The following KCNQ4 variants were observed in gnomAD, a reference collection of about 807,000 sequenced individuals.
KCNQ4 encodes potassium voltage-gated channel subfamily KQT member 4.
Under a neutral mutation model 72.6 loss-of-function variants are expected in KCNQ4, and 31 were observed. The observed-to-expected ratio is 0.43, with a 90% CI of 0.32 to 0.58. KCNQ4 has a LOEUF of 0.58. Ranked by LOEUF, KCNQ4 falls within the 20% of genes least tolerant of loss-of-function variation. KCNQ4 has a pLI of 0.08. For synonymous variants in KCNQ4, 405 were observed against 403.7 expected, an observed-to-expected ratio of 1.00 and a Z score of -0.04; for missense variants, 869 against 962.6, an observed-to-expected ratio of 0.90 and a Z score of 1.29.
Position 40,824,152 on chromosome 1 carries a change from C to T in KCNQ4, c.1186C>T (p.Pro396Ser), listed in dbSNP as rs904001184. ...VQRARNGGLRPLEVRRAPVPD... is the reference protein window; with the variant it reads ...VQRARNGGLRSLEVRRAPVPD... The stretch of plus-strand genomic sequence containing the variant: ...ACGGGCCCGCAATGGGGGCCTACGG[C>T]CCCTGGAGGTGCGGCGGGCGCCGGT... The change falls in exon 9 of 14, where the codon CCC becomes TCC. Residue 396 changes from proline (P) to serine (S), a missense_variant. Coordinates refer to ENST00000347132, the MANE Select transcript of KCNQ4 (RefSeq NM_004700.4). 59 of 1,567,906 alleles carry T rather than the reference C, an allele frequency of 3.8e-5. No homozygotes were observed. The highest frequency in any genetic ancestry group is 4.9e-5 in the Non-Finnish European group (57 of 1,157,208).
intron 9 of KCNQ4, among the ~76,000 whole-genome samples, chr1:40,824,737 C>A (rs1173096784): frequency 1.3e-5 from 2 of 152,126 alleles, no homozygotes; most frequent in East Asian, 3.9e-4. Context: ...GTACTGAACT[C>A]GCCTCTTGGG....
chr1:40,826,715 C>T (rs1339571610), intron 9 of KCNQ4: 1 of 453,342 alleles, frequency 2.2e-6, no homozygotes, highest in Admixed American at 2.4e-5. Flanking sequence ...GCCTGCTCCT[C>T]CTGTCCCCAC....
chr1:40,820,045 T>C (rs1161102298), intron 6 of KCNQ4, 60 bp downstream of exon 6: 26 of 1,537,800 alleles, frequency 1.7e-5, no homozygotes, highest in Middle Eastern at 1.7e-4. Flanking sequence ...CTCACCCCTG[T>C]CACACATTTG....
At chr1:40,837,644 T>G in intron 12 of KCNQ4, 21 bp from the exon 13 acceptor site, 1 of 1,609,462 alleles carries the variant, frequency 6.2e-7, no homozygotes, top group East Asian at 2.2e-5. Flanking sequence ...CCGGGCCCTC[T>G]GATGGTTCCC....
intron 7 of KCNQ4, among the ~76,000 whole-genome samples, chr1:40,821,218 T>C (rs3754174): frequency 0.24 from 36,179 of 152,102 alleles, 4,550 homozygotes; most frequent in Middle Eastern, 0.3. Context: ...GCTAGTATTG[T>C]GGTGCCCATA....
In KCNQ4 at chr1:40,838,488, A is replaced by G. The variant is rs566247637; in HGVS notation, c.2053A>G (p.Ser685Gly). ...EDISVSAQTL[S>G]ISRSVSTNMD ...CATCTCCGTCTCCGCACAGACGCTC[A>G]GCATCTCCCGCTCGGTCAGCACCAA... Residue 685 changes from serine (S) to glycine (G), a missense_variant, in exon 14 of 14, where the codon AGC becomes GGC. Physicochemically the swap from Ser to Gly is moderately conservative, Grantham distance 56. Around this residue, in one of 5 missense-constraint regions of KCNQ4, gnomAD observed 480 missense variants for 501.9 expected, o/e 0.96. Transcript: ENST00000347132. 3 of 1,614,140 alleles carry G rather than the reference A, an allele frequency of 1.9e-6. No homozygotes were observed. The highest frequency in any genetic ancestry group is 2.2e-5 in the East Asian group (1 of 44,882).
At chr1:40,823,733 C>T (rs535977115) in intron 8 of KCNQ4, among the ~76,000 whole-genome samples, 3 of 152,350 alleles carry the variant, frequency 2.0e-5, no homozygotes, top group Admixed American at 6.5e-5. Context: ...ACCTCCATCT[C>T]CCCTTAAAAT....
rs959507212 is a variant in KCNQ4, at chr1:40,833,167, T to C, written c.1613+54T>C. The C allele has an allele frequency of 1.4e-5, 19 of 1,345,258 alleles. No homozygotes were observed. In the African/African-American group the frequency reaches 2.4e-4, roughly 17 times the overall value. 83.3% of individuals were successfully genotyped at this position (1,345,258 alleles called of 1,614,324 possible). Reference sequence around the variant, plus strand: ...CCCTCCGTGTGCCACCCACTGCTGCTCCCCATCTGGGCGGGTGGATCACTT... The same window carrying C: ...CCCTCCGTGTGCCACCCACTGCTGCCCCCCATCTGGGCGGGTGGATCACTT... On this transcript the variant is annotated intron_variant, in intron 11 of 13. Coordinates refer to ENST00000347132, the MANE Select transcript of KCNQ4 (RefSeq NM_004700.4).
intron 8 of KCNQ4, among the ~76,000 whole-genome samples, chr1:40,822,920 C>T (rs1171675903): frequency 2.0e-5 from 3 of 152,286 alleles, no homozygotes; most frequent in South Asian, 2.1e-4. Flanking sequence ...CCCACTGGCC[C>T]GGGCCAGGCT....
At chr1:40,816,990 C>A (rs1449779944) in intron 1 of KCNQ4, among the ~76,000 whole-genome samples, 1 of 152,242 alleles carries the variant, frequency 6.6e-6, no homozygotes, top group South Asian at 2.1e-4. Flanking sequence ...CACTGCCAGA[C>A]CTGCTACTCA....
At chr1:40,804,186 T>G (rs1647679989) in intron 1 of KCNQ4, among the ~76,000 whole-genome samples, 1 of 152,218 alleles carries the variant, frequency 6.6e-6, no homozygotes, top group Non-Finnish European at 1.5e-5. Flanking sequence ...TTGAACCCAC[T>G]GCCACAAAGT....
chr1:40,832,924 A>G (rs1648693769), intron 10 of KCNQ4, 90 bp from the exon 11 acceptor site: 2 of 908,858 alleles, frequency 2.2e-6, no homozygotes, highest in Non-Finnish European at 3.7e-6. Context: ...CCTATTGGAC[A>G]CTCTACTGGT....
chr1:40,803,187 C>G (rs1647638119), intron 1 of KCNQ4, among the ~76,000 whole-genome samples: 2 of 152,168 alleles, frequency 1.3e-5, no homozygotes, highest in Admixed American at 6.5e-5. Context: ...ACACAGAAGT[C>G]CCTGAGGACT....
chr1:40,790,263 A>G (rs1433392027), intron 1 of KCNQ4, among the ~76,000 whole-genome samples: 1 of 152,192 alleles, frequency 6.6e-6, no homozygotes, highest in African/African-American at 2.4e-5. Flanking sequence ...TAAGATTGTC[A>G]GGACTGGATG....
rs1557988424 is a variant in KCNQ4, at chr1:40,794,515, A to G, written c.314+10108A>G. 6.6e-6 allele frequency among the ~76,000 whole-genome samples: 1 copy of G among 152,224 alleles called. No individual in the cohort carries two copies. The highest frequency in any genetic ancestry group is 2.4e-5 in the African/African-American group (1 of 41,470). On this transcript the variant is annotated intron_variant, in intron 1 of 13. Transcript: ENST00000347132. This position sits in a 1 kb window ranked among gnomAD's most constrained non-coding sequence, Gnocchi z 4.2. ...TGTGGTCGAGTCAAGACTCAAACCCATGTCGGCATCAGGGCCAAGCCCGAG... is the reference window on the plus strand; with the variant it reads ...TGTGGTCGAGTCAAGACTCAAACCCGTGTCGGCATCAGGGCCAAGCCCGAG...
At chr1:40,825,509 G>C (rs1289705400) in intron 9 of KCNQ4, among the ~76,000 whole-genome samples, 2 of 152,116 alleles carry the variant, frequency 1.3e-5, no homozygotes, top group Non-Finnish European at 2.9e-5. Context: ...TCCCTTCCTT[G>C]TTCTCAGTGA....
intron 1 of KCNQ4, among the ~76,000 whole-genome samples, chr1:40,807,276 G>A (rs1647793123): frequency 6.6e-6 from 1 of 152,100 alleles, no homozygotes; most frequent in African/African-American, 2.4e-5. Flanking sequence ...CCCCACTGCT[G>A]GAGAGTCACA....
rs369279860 is a variant in KCNQ4 at position 40,792,041 on chromosome 1, C to T, written c.314+7634C>T. On this transcript the variant is annotated intron_variant, in intron 1 of 13. Transcript: ENST00000347132. The stretch of plus-strand genomic sequence containing the variant: ...AGCCCAACTTTGGCGGGGTGTGGGT[C>T]GGGGGTGGGGTAGGGATCAGATCGG... Among the ~76,000 whole-genome samples the T allele has an allele frequency of 5.1e-5, 7 of 138,548 alleles. No homozygotes were observed. The East Asian group carries it at 1.1e-3, about 21-fold the overall frequency. The allele number at this position is 138,548 out of a possible 152,430, so 90.9% of individuals were successfully genotyped here.
chr1:40,832,140 G>A (rs990906160), intron 10 of KCNQ4, among the ~76,000 whole-genome samples: 2 of 152,234 alleles, frequency 1.3e-5, no homozygotes, highest in African/African-American at 4.8e-5. Flanking sequence ...GAAAATGAGA[G>A]GGTTGGACCA....
Sources: gnomAD v4.1 joint callset for allele counts (sites outside exome capture counted in the v4.1 genomes callset) on GRCh38, gnomAD v4.1.1 for gene constraint, gnomAD v4.1.1 regional missense constraint, Gnocchi (gnomAD v3.1) non-coding constraint, MANE v1.5 for transcripts, NCBI Gene and HGNC (gene_info 2026-07-23, HGNC 2026-07-21) for gene names.